INPP5A: variants seen among roughly 807,000 people sequenced by gnomAD.
The protein encoded by INPP5A is 43 kDa inositol polyphosphate 5-phophatase.
In INPP5A, 14 loss-of-function variants were observed where a neutral mutation model predicts 65.2. That is an observed-to-expected ratio of 0.21 (90% CI 0.14 to 0.34). The LOEUF (loss-of-function observed/expected upper bound fraction) is 0.34. Ranked by LOEUF, INPP5A falls within the 10% of genes least tolerant of loss-of-function variation. The probability of loss-of-function intolerance (pLI) is 1.00; values close to 1 mark genes in which losing one functional copy is unlikely to be tolerated. For missense variants in INPP5A, 431 were observed against 545.6 expected (o/e 0.79, Z 2.09); for synonymous variants, 207 against 208.3 (o/e 0.99, Z 0.05).
At chr10:132,591,829 A>C (rs964064407) in intron 1 of INPP5A, among the ~76,000 whole-genome samples, 6 of 152,120 alleles carry the variant, frequency 3.9e-5, no homozygotes, top group Non-Finnish European at 7.3e-5. Flanking sequence ...TTCGGGTCTC[A>C]TTCCCTCCCC....
intron 9 of INPP5A, among the ~76,000 whole-genome samples, chr10:132,731,275 T>C (rs533604522): frequency 4.0e-5 from 6 of 150,764 alleles, no homozygotes; most frequent in African/African-American, 2.5e-5. Flanking sequence ...GTATCAGGTG[T>C]CCCTCCTGCG....
chr10:132,667,852 C>A (rs369995825), intron 4 of INPP5A, among the ~76,000 whole-genome samples: 12 of 152,130 alleles, frequency 7.9e-5, no homozygotes, highest in Middle Eastern at 3.2e-3. Flanking sequence ...GGACATGAAT[C>A]TTGGGCTCTT....
At chr10:132,748,411 C>T (rs1846410985) in intron 9 of INPP5A, among the ~76,000 whole-genome samples, 1 of 152,228 alleles carries the variant, frequency 6.6e-6, no homozygotes, top group African/African-American at 2.4e-5. Context: ...GGGTCTCACA[C>T]TTCCCTTGTT....
intron 1 of INPP5A, among the ~76,000 whole-genome samples, chr10:132,558,962 G>A (rs2071164039): frequency 6.6e-6 from 1 of 152,170 alleles, no homozygotes; most frequent in African/African-American, 2.4e-5. Flanking sequence ...GCCCACCCTG[G>A]TCGAGCCCAG....
rs2072374687 is a variant in INPP5A, at chr10:132,637,642, C to A, written c.118-8226C>A. On this transcript the variant is annotated intron_variant, in intron 2 of 15. Coordinates refer to ENST00000368594, the MANE Select transcript of INPP5A (RefSeq NM_005539.5). This position sits in a 1 kb window ranked among gnomAD's most constrained non-coding sequence, Gnocchi z 4.1. ...CTTCCAGTGACTCTCCTGGCGCCTG[C>A]TGTGGCTGTCCTCCTCTGTCATGAC... Among the ~76,000 whole-genome samples, 2 of 152,194 alleles carry A rather than the reference C, an allele frequency of 1.3e-5. No homozygotes were observed. Among genetic ancestry groups the A allele is most frequent in the South Asian group, 4.1e-4 (2 of 4,828 alleles).
chr10:132,548,931 G>T (rs2071015774), intron 1 of INPP5A, among the ~76,000 whole-genome samples: 1 of 151,764 alleles, frequency 6.6e-6, no homozygotes. Context: ...TGAGTAGCTG[G>T]GGCCACAGGC....
intron 5 of INPP5A, among the ~76,000 whole-genome samples, chr10:132,691,902 C>T (rs1364407053): frequency 2.6e-5 from 4 of 151,804 alleles, no homozygotes; most frequent in Non-Finnish European, 4.4e-5. Context: ...GACATGCGGT[C>T]GCGGGAGACG....
intron 9 of INPP5A, among the ~76,000 whole-genome samples, chr10:132,737,448 C>T (rs1846198050): frequency 6.9e-6 from 1 of 145,266 alleles, no homozygotes; most frequent in Non-Finnish European, 1.5e-5. Context: ...GCCCTGTCCT[C>T]CTACTGCCGT....
At chr10:132,778,586 C>T (rs1007962108) in intron 13 of INPP5A, among the ~76,000 whole-genome samples, 3 of 152,160 alleles carry the variant, frequency 2.0e-5, no homozygotes, top group African/African-American at 4.8e-5. Context: ...TGAAAGCTTG[C>T]GGGTGTGCGT....
At chr10:132,652,299 G>A (rs949100116) in intron 4 of INPP5A, among the ~76,000 whole-genome samples, 12 of 152,222 alleles carry the variant, frequency 7.9e-5, no homozygotes, top group Admixed American at 2.6e-4. Context: ...ACAGAGAGAA[G>A]GACTGAAAAG....
At chr10:132,589,874 G>T (rs2071595801) in intron 1 of INPP5A, among the ~76,000 whole-genome samples, 1 of 152,158 alleles carries the variant, frequency 6.6e-6, no homozygotes, top group South Asian at 2.1e-4. Context: ...CCATGCCAGG[G>T]AGCCCACAGC....
chr10:132,624,153 C>T (rs760279141), intron 2 of INPP5A, among the ~76,000 whole-genome samples: 2 of 152,232 alleles, frequency 1.3e-5, no homozygotes, highest in Non-Finnish European at 2.9e-5. Flanking sequence ...ACGCACGTTG[C>T]TCCTGCTCAC....
intron 8 of INPP5A, among the ~76,000 whole-genome samples, chr10:132,723,899 G>A (rs971687868): frequency 1.3e-5 from 2 of 152,194 alleles, no homozygotes; most frequent in Non-Finnish European, 2.9e-5. Flanking sequence ...CACAGCAAGC[G>A]CTTCCCTTTC....
chr10:132,713,575 C>T (rs1057440455), intron 8 of INPP5A, among the ~76,000 whole-genome samples: 3 of 152,140 alleles, frequency 2.0e-5, no homozygotes, highest in Non-Finnish European at 2.9e-5. Context: ...GGCGTGGCCC[C>T]TTATCCCCTC....
At chr10:132,557,872 G>A (rs2071147151) in intron 1 of INPP5A, among the ~76,000 whole-genome samples, 1 of 152,144 alleles carries the variant, frequency 6.6e-6, no homozygotes, top group African/African-American at 2.4e-5. Context: ...ACGGCTTATG[G>A]CGGGAGTGAC....
rs747904906 is a variant in INPP5A, at chr10:132,547,419, G to T, written c.75+9248G>T. Among the ~76,000 whole-genome samples the T allele has an allele frequency of 6.6e-6, 1 of 152,156 alleles. No individual in the cohort carries two copies. The highest frequency in any genetic ancestry group is 6.5e-5 in the Admixed American group (1 of 15,284). On this transcript the variant is annotated intron_variant, in intron 1 of 15. Coordinates refer to ENST00000368594, the MANE Select transcript of INPP5A (RefSeq NM_005539.5). The surrounding 1 kb of genome is among the most constrained non-coding windows in gnomAD (Gnocchi z 5.5). ...CCTTTGCTTCTGTCCGGGGCGCGTG[G>T]CCCAGGCTGAGCAGTGCACTCGGCT...
chr10:132,611,365 G>T (rs568126027), intron 2 of INPP5A, among the ~76,000 whole-genome samples: 7 of 146,000 alleles, frequency 4.8e-5, no homozygotes, highest in African/African-American at 1.8e-4. Flanking sequence ...TATCAGAGGA[G>T]GGTGAGGGAG....
chr10:132,770,230 C>T (rs1385047734), intron 12 of INPP5A, among the ~76,000 whole-genome samples: 1 of 152,192 alleles, frequency 6.6e-6, no homozygotes, highest in Non-Finnish European at 1.5e-5. Context: ...GCCTGCCCGA[C>T]GGTACCCACC....
chr10:132,631,387 C>T (rs2072271167), intron 2 of INPP5A, among the ~76,000 whole-genome samples: 1 of 152,170 alleles, frequency 6.6e-6, no homozygotes, highest in Admixed American at 6.5e-5. Flanking sequence ...AGAGGAGAGC[C>T]CCCACCCAGG....
Sources: allele counts gnomAD v4.1 joint callset (sites outside exome capture counted in the v4.1 genomes callset), GRCh38; gene constraint gnomAD v4.1.1; non-coding constraint Gnocchi (gnomAD v3.1); transcripts MANE v1.5; gene names NCBI Gene and HGNC (gene_info 2026-07-23, HGNC 2026-07-21).